Variants in SAA4 observed in about 807,000 individuals in gnomAD.
SAA4 encodes serum amyloid A4, constitutive, also known as serum amyloid A-4 protein.
Under a neutral mutation model 11.2 loss-of-function variants are expected in SAA4, and 8 were observed. The observed-to-expected ratio is 0.71, with a 90% CI of 0.42 to 1.29. The LOEUF (loss-of-function observed/expected upper bound fraction) is 1.29. SAA4 is among the 50% of genes most tolerant of loss of function. The pLI is 0.01. For synonymous variants in SAA4, 60 were observed against 56.2 expected, an observed-to-expected ratio of 1.07 and a Z score of -0.30; for missense variants, 171 against 164.2, an observed-to-expected ratio of 1.04 and a Z score of -0.23.
chr11:18,233,513 T>C (rs1408446879), intron 2 of SAA4, among the ~76,000 whole-genome samples: 1 of 152,080 alleles, frequency 6.6e-6, no homozygotes, highest in African/African-American at 2.4e-5. Context: ...GTTTTGGGTT[T>C]TGTTTTTTGT....
chr11:18,235,277 T>C (rs1488717582), intron 2 of SAA4, among the ~76,000 whole-genome samples: 7 of 152,200 alleles, frequency 4.6e-5, no homozygotes, highest in African/African-American at 1.7e-4. Context: ...ATAAGATTCG[T>C]TTCCCATCCA....
chr11:18,232,927 A>G (rs1323625948), intron 2 of SAA4, among the ~76,000 whole-genome samples: 1 of 152,260 alleles, frequency 6.6e-6, no homozygotes, highest in Non-Finnish European at 1.5e-5. Context: ...GGGGATGCTC[A>G]TGTGAGGAAT....
chr11:18,236,333 A>G (rs1346846990), intron 1 of SAA4, among the ~76,000 whole-genome samples: 1 of 151,598 alleles, frequency 6.6e-6, no homozygotes, highest in Admixed American at 6.6e-5. Flanking sequence ...CTCCCAAAGG[A>G]TTACAGGCAT....
At position 18,231,454 on chromosome 11, in the gene SAA4, G is replaced by A. The variant is rs761002011; in HGVS notation, c.*48C>T. ...CCTGTGTCCCTGTCTGGGGGGAGAAGTGTGTGGCTCACAGCCCAGTTTCCC... is the reference window on the plus strand; with the variant it reads ...CCTGTGTCCCTGTCTGGGGGGAGAAATGTGTGGCTCACAGCCCAGTTTCCC... On this transcript the variant is annotated 3_prime_UTR_variant, in exon 4 of 4. Coordinates refer to ENST00000278222, the MANE Select transcript of SAA4 (RefSeq NM_006512.4). 1.6e-5 allele frequency: 26 copies of A among 1,590,504 alleles called. No homozygotes were observed. In the South Asian group the frequency reaches 3.0e-4, roughly 18 times the overall value.
intron 2 of SAA4, among the ~76,000 whole-genome samples, chr11:18,235,288 G>C (rs1346911429): frequency 1.3e-5 from 2 of 152,156 alleles, no homozygotes; most frequent in Non-Finnish European, 2.9e-5. Context: ...TTCCCATCCA[G>C]AATGGCAGAA....
At position 18,231,427 on chromosome 11, in the gene SAA4, A is replaced by C; in HGVS notation, c.*75T>G. The C allele has an allele frequency of 6.4e-7, 1 of 1,551,186 alleles. No individual in the cohort carries two copies. The highest frequency in any genetic ancestry group is 8.7e-7 in the Non-Finnish European group (1 of 1,152,584). ...GTTCCTGGGGACACAAAGCTCAGTG[A>C]CCCTGTGTCCCTGTCTGGGGGGAGA... On this transcript the variant is annotated 3_prime_UTR_variant, in exon 4 of 4. Coordinates refer to ENST00000278222, the MANE Select transcript of SAA4 (RefSeq NM_006512.4).
At chr11:18,235,073 A>C (rs1165224587) in intron 2 of SAA4, among the ~76,000 whole-genome samples, 1 of 152,232 alleles carries the variant, frequency 6.6e-6, no homozygotes, top group Non-Finnish European at 1.5e-5. Context: ...AACTTAGTAC[A>C]TGCTACCAAA....
rs184328894 is a variant in SAA4, at chr11:18,233,950, C to T, written c.92-1417G>A. 3.9e-4 allele frequency among the ~76,000 whole-genome samples: 60 copies of T among 152,090 alleles called. No homozygotes were observed. In the East Asian group the frequency reaches 9.8e-3, roughly 25 times the overall value. ...CCTGAGTGTATACCCACAACAGAAA[C>T]GAGGGCTTATGTACACTAAAGTACA... On this transcript the variant is annotated intron_variant, in intron 2 of 3. Coordinates refer to ENST00000278222, the MANE Select transcript of SAA4 (RefSeq NM_006512.4).
At chr11:18,231,848 A>AT (rs1857139477) in intron 3 of SAA4, among the ~76,000 whole-genome samples, 184 bp from the exon 4 acceptor site, 1 of 39,782 alleles carries the variant, frequency 2.5e-5, no homozygotes, top group South Asian at 9.4e-4. Flanking sequence ...GTCTACTGAT[A>AT]CTTGCGCTCT....
Position 18,231,388 on chromosome 11 carries a change from G to A in SAA4, c.*114C>T, listed in dbSNP as rs911263536. 4.1e-6 allele frequency: 6 copies of A among 1,464,566 alleles called. No homozygotes were observed. In the African/African-American group the frequency reaches 8.5e-5, roughly 21 times the overall value. The allele number at this position is 1,464,566 out of a possible 1,614,324, so 90.7% of individuals were successfully genotyped here. ...GACAAACATTTATTGAACACCTCTA[G>A]GTGCCCTATACCAGTTCCTGGGGAC... On this transcript the variant is annotated 3_prime_UTR_variant, in exon 4 of 4. Transcript: ENST00000278222.
At chr11:18,234,849 C>T (rs1857187058) in intron 2 of SAA4, among the ~76,000 whole-genome samples, 1 of 152,196 alleles carries the variant, frequency 6.6e-6, no homozygotes, top group African/African-American at 2.4e-5. Flanking sequence ...CAGTTGTTCT[C>T]ATTGGCATTG....
intron 1 of SAA4, 77 bp from the exon 2 acceptor site, chr11:18,236,007 CCTTTTTTTCTTT>C: frequency 3.0e-6 from 4 of 1,350,850 alleles, no homozygotes; most frequent in Non-Finnish European, 4.0e-6. Context: ...GAATTTCTTT[CCTTTTTTTCTTT>C]CTTTTTTTCC....
Position 18,231,633 on chromosome 11 carries a change from C to T in SAA4, c.262G>A (p.Asp88Asn). The change falls in exon 4 of 4, where the codon GAC becomes AAC. Residue 88 changes from aspartate (D) to asparagine (N), a missense_variant. Transcript: ENST00000278222. The stretch of plus-strand genomic sequence containing the variant: ...CTGCTGTTTCCAAATAAATAGCAGT[C>T]TATTAATCCCTGAAGATAGACCCTG... ...RSRVYLQGLI[D>N]CYLFGNSSTV... is the part of the protein sequence containing the mutation. The T allele has an allele frequency of 6.2e-7, 1 of 1,613,880 alleles. No individual in the cohort carries two copies. The highest frequency in any genetic ancestry group is 8.5e-7 in the Non-Finnish European group (1 of 1,179,938).
At chr11:18,235,646 C>T (rs538797805) in intron 2 of SAA4, among the ~76,000 whole-genome samples, 190 bp downstream of exon 2, 25 of 152,140 alleles carry the variant, frequency 1.6e-4, no homozygotes, top group African/African-American at 5.8e-4. Context: ...GCATCTTTAA[C>T]CTCTCGTCTG....
chr11:18,231,683 A>G lies in SAA4; in HGVS notation c.231-19T>C, dbSNP rs1480840437. On this transcript the variant is annotated intron_variant, in intron 3 of 3. Transcript: ENST00000278222. Reference sequence around the variant, plus strand: ...GGAACGGCTGCAACCCAAAGAAAGGAGACAGGAGATTAATCTCTTGACTCA... The same window carrying G: ...GGAACGGCTGCAACCCAAAGAAAGGGGACAGGAGATTAATCTCTTGACTCA... The G allele has an allele frequency of 3.7e-6, 6 of 1,603,358 alleles. No individual in the cohort carries two copies. Among genetic ancestry groups the G allele is most frequent in the South Asian group, 2.2e-5 (2 of 89,418 alleles).
chr11:18,232,906 G>A (rs1223125530), intron 2 of SAA4, among the ~76,000 whole-genome samples: 1 of 152,226 alleles, frequency 6.6e-6, no homozygotes, highest in East Asian at 1.9e-4. Context: ...TGTGTGTACT[G>A]TGTACAAAGA....
rs1857131475 is a variant in SAA4 at position 18,231,408 on chromosome 11, G to A, written c.*94C>T. Reference sequence around the variant, plus strand: ...CTCTAGGTGCCCTATACCAGTTCCTGGGGACACAAAGCTCAGTGACCCTGT... The same window carrying A: ...CTCTAGGTGCCCTATACCAGTTCCTAGGGACACAAAGCTCAGTGACCCTGT... On this transcript the variant is annotated 3_prime_UTR_variant, in exon 4 of 4. Transcript: ENST00000278222. The A allele has an allele frequency of 1.3e-6, 2 of 1,525,612 alleles. No individual in the cohort carries two copies. Among genetic ancestry groups the A allele is most frequent in the Non-Finnish European group, 8.8e-7 (1 of 1,137,690 alleles). 94.5% of individuals were successfully genotyped at this position (1,525,612 alleles called of 1,614,324 possible). A position where few individuals can be genotyped will look rare whatever the true frequency, so the allele number is the denominator to read the frequency against.
intron 2 of SAA4, 30 bp from the exon 3 acceptor site, chr11:18,232,563 C>A: frequency 6.2e-7 from 1 of 1,603,026 alleles, no homozygotes; most frequent in Non-Finnish European, 8.5e-7. Flanking sequence ...CAAAAATGAA[C>A]CCAGTGACAT....
intron 2 of SAA4, among the ~76,000 whole-genome samples, chr11:18,234,181 A>C (rs1384160064): frequency 6.6e-6 from 1 of 152,248 alleles, no homozygotes; most frequent in Admixed American, 6.5e-5. Context: ...AGCCGGATAC[A>C]AAAGACATAT....
Sources: gnomAD v4.1 joint callset for allele counts (sites outside exome capture counted in the v4.1 genomes callset) on GRCh38, gnomAD v4.1.1 for gene constraint, MANE v1.5 for transcripts, NCBI Gene and HGNC (gene_info 2026-07-23, HGNC 2026-07-21) for gene names.